The following ARMC1 variants were observed in gnomAD, a reference collection of about 807,000 sequenced individuals.
ARMC1 encodes armadillo repeat containing 1, also known as armadillo repeat-containing protein 1.
In ARMC1, 16 loss-of-function variants were observed where a neutral mutation model predicts 31.4. That is an observed-to-expected ratio of 0.51 (90% CI 0.34 to 0.77). The LOEUF is 0.77. ARMC1 is among the 30% of genes least tolerant of loss of function. ARMC1 has a pLI of 0.01. For missense variants in ARMC1, 259 were observed against 347.5 expected, an observed-to-expected ratio of 0.75 and a Z score of 2.02; for synonymous variants, 114 against 118.9, an observed-to-expected ratio of 0.96 and a Z score of 0.27.
chr8:65,612,448 C>T (rs1304685033), intron 4 of ARMC1, among the ~76,000 whole-genome samples: 1 of 150,976 alleles, frequency 6.6e-6, no homozygotes, highest in Admixed American at 6.6e-5. Context: ...AGAACAAGAC[C>T]CTGTCCCTGA....
At chr8:65,609,872 A>G (rs1361468607) in intron 4 of ARMC1, among the ~76,000 whole-genome samples, 96 of 81,418 alleles carry the variant, frequency 1.2e-3, no homozygotes, top group African/African-American at 4.2e-3. Context: ...AAAAAAAAAA[A>G]AAAAGAAAAG....
intron 4 of ARMC1, among the ~76,000 whole-genome samples, chr8:65,611,028 G>A (rs1415927643): frequency 3.9e-5 from 6 of 151,958 alleles, no homozygotes; most frequent in Non-Finnish European, 7.4e-5. Context: ...CTGCCTCCTG[G>A]GTTCAAGCGA....
intron 2 of ARMC1, among the ~76,000 whole-genome samples, chr8:65,623,304 T>C (rs1291828724): frequency 6.6e-4 from 2 of 3,044 alleles, no homozygotes; most frequent in Admixed American, 2.5e-3. Flanking sequence ...CAAGACTCCG[T>C]CTCAAAAAAA....
At chr8:65,620,294 CTTTTTTTTTT>C (rs755112362) in intron 3 of ARMC1, among the ~76,000 whole-genome samples, 1 of 90,174 alleles carries the variant, frequency 1.1e-5, no homozygotes. Flanking sequence ...ATTATTATTA[CTTTTTTTTTT>C]TTTTTTTTTT....
At chr8:65,623,307 CA>C (rs71245496) in intron 2 of ARMC1, among the ~76,000 whole-genome samples, 22 of 38,336 alleles carry the variant, frequency 5.7e-4, no homozygotes, top group South Asian at 1.1e-3. Context: ...GACTCCGTCT[CA>C]AAAAAAAAAA....
At chr8:65,609,445 T>C (rs1340494955) in intron 4 of ARMC1, among the ~76,000 whole-genome samples, 2 of 152,218 alleles carry the variant, frequency 1.3e-5, no homozygotes, top group South Asian at 2.1e-4. Flanking sequence ...TTTCTAGAAA[T>C]TGCCTTGTGA....
rs1338222421 is a variant in ARMC1 at position 65,634,097 on chromosome 8, G to C, written c.-135C>G. ...CGGCGCGGAGCGAGCCCTTCGGTTCGCAGCCCCGGCCGCGGCGATCGCAAG... is the reference window on the plus strand; with the variant it reads ...CGGCGCGGAGCGAGCCCTTCGGTTCCCAGCCCCGGCCGCGGCGATCGCAAG... On this transcript the variant is annotated 5_prime_UTR_variant, in exon 1 of 7. Coordinates refer to ENST00000276569, the MANE Select transcript of ARMC1 (RefSeq NM_018120.6). 1 of 152,380 alleles carries C rather than the reference G, an allele frequency of 6.6e-6. No individual in the cohort carries two copies. The highest frequency in any genetic ancestry group is 2.4e-5 in the African/African-American group (1 of 41,466). 9.4% of individuals were successfully genotyped at this position (152,380 alleles called of 1,614,324 possible).
At chr8:65,633,034 A>G (rs1326129315) in intron 1 of ARMC1, 1 of 152,172 alleles carries the variant, frequency 6.6e-6, no homozygotes, top group Non-Finnish European at 1.5e-5. Context: ...TAGGTGGGAG[A>G]GTCTGAGATT....
At chr8:65,629,798 CAAAAA>C (rs56044753) in intron 1 of ARMC1, among the ~76,000 whole-genome samples, 2 of 101,352 alleles carry the variant, frequency 2.0e-5, no homozygotes, top group Admixed American at 1.1e-4. Context: ...GACTCCGTCT[CAAAAA>C]AAAAAAAAAA....
chr8:65,618,391 G>C (rs1808320917), intron 3 of ARMC1, among the ~76,000 whole-genome samples: 3 of 150,340 alleles, frequency 2.0e-5, no homozygotes, highest in Non-Finnish European at 4.4e-5. Flanking sequence ...GCGTGGTGGC[G>C]GGCGCCTGTA....
intron 1 of ARMC1, among the ~76,000 whole-genome samples, chr8:65,630,594 G>A (rs368160602): frequency 8.7e-4 from 133 of 152,288 alleles, no homozygotes; most frequent in Admixed American, 1.8e-3. Context: ...CAATGCAGCC[G>A]GATCGCCTGA....
At chr8:65,626,224 C>T (rs979826414) in intron 2 of ARMC1, among the ~76,000 whole-genome samples, 1 of 151,638 alleles carries the variant, frequency 6.6e-6, no homozygotes, top group African/African-American at 2.4e-5. Context: ...GCATTTTTGC[C>T]AGAATAGGCA....
chr8:65,608,004 G>A (rs1239502661), intron 4 of ARMC1, among the ~76,000 whole-genome samples: 1 of 152,080 alleles, frequency 6.6e-6, no homozygotes, highest in Non-Finnish European at 1.5e-5. Flanking sequence ...CTCCTTTTAA[G>A]AAGTAACTGA....
intron 1 of ARMC1, among the ~76,000 whole-genome samples, chr8:65,628,938 G>C (rs1808574964): frequency 6.6e-6 from 1 of 152,040 alleles, no homozygotes; most frequent in Non-Finnish European, 1.5e-5. Context: ...TGGATCACCT[G>C]ATGTCAGGAG....
chr8:65,621,205 C>G (rs1268957171), intron 3 of ARMC1, among the ~76,000 whole-genome samples: 1 of 152,144 alleles, frequency 6.6e-6, no homozygotes, highest in African/African-American at 2.4e-5. Flanking sequence ...AGAAGATAAT[C>G]CATTATATCC....
intron 3 of ARMC1, among the ~76,000 whole-genome samples, chr8:65,620,486 G>A (rs1174533951): frequency 6.6e-6 from 1 of 151,388 alleles, no homozygotes; most frequent in African/African-American, 2.4e-5. Context: ...ATTTTTGGTA[G>A]AGATGGGTTT....
chr8:65,632,457 C>T (rs1252729333), intron 1 of ARMC1, among the ~76,000 whole-genome samples: 1 of 152,002 alleles, frequency 6.6e-6, no homozygotes, highest in Non-Finnish European at 1.5e-5. Context: ...ACTAAAAATA[C>T]AAAATATTAG....
In ARMC1 at chr8:65,634,117, C is replaced by A. The variant is rs1342141061; in HGVS notation, c.-155G>T. 6.6e-6 allele frequency: 1 copy of A among 152,374 alleles called. No individual in the cohort carries two copies. The highest frequency in any genetic ancestry group is 1.9e-4 in the East Asian group (1 of 5,206). 9.4% of individuals were successfully genotyped at this position (152,374 alleles called of 1,614,324 possible). On this transcript the variant is annotated 5_prime_UTR_variant, in exon 1 of 7. Coordinates refer to ENST00000276569, the MANE Select transcript of ARMC1 (RefSeq NM_018120.6). ...GGTTCGCAGCCCCGGCCGCGGCGAT[C>A]GCAAGCAACCGGACTAACTCAGGGA...
intron 6 of ARMC1, 46 bp from the exon 7 acceptor site, chr8:65,604,631 C>A (rs1807963651): frequency 6.4e-7 from 1 of 1,551,678 alleles, no homozygotes; most frequent in South Asian, 1.1e-5. Flanking sequence ...AACTTTACTC[C>A]TTATTCTAAT....
Sources: gnomAD v4.1 joint callset for allele counts (sites outside exome capture counted in the v4.1 genomes callset) on GRCh38, gnomAD v4.1.1 for gene constraint, MANE v1.5 for transcripts, NCBI Gene and HGNC (gene_info 2026-07-23, HGNC 2026-07-21) for gene names.